The following COL4A3 variants were observed in gnomAD, a reference collection of about 807,000 sequenced individuals.
The protein encoded by COL4A3 is collagen alpha-3(IV) chain.
A neutral mutation model predicts 217.4 loss-of-function variants in COL4A3; 135 were observed. The ratio of observed to expected loss-of-function variants is 0.62; its 90% CI spans 0.54 to 0.72. The LOEUF is 0.72. Ranked by LOEUF, COL4A3 falls within the 30% of genes least tolerant of loss-of-function variation. COL4A3 has a pLI of 0.00. For synonymous variants in COL4A3, 690 were observed against 736.3 expected (o/e 0.94, Z 1.02); for missense variants, 1,868 against 2,119.9 (o/e 0.88, Z 2.33).
At chr2:227,168,804 A>G (rs2065368002) in intron 1 of COL4A3, among the ~76,000 whole-genome samples, 1 of 152,124 alleles carries the variant, frequency 6.6e-6, no homozygotes. Flanking sequence ...TATGAGATCT[A>G]CTTTTATCTT....
chr2:227,286,859 T>G (rs1323977926), intron 34 of COL4A3, among the ~76,000 whole-genome samples: 1 of 152,258 alleles, frequency 6.6e-6, no homozygotes, highest in Non-Finnish European at 1.5e-5. Context: ...GCACTTGGCC[T>G]GTCTCTCCAG....
intron 1 of COL4A3, among the ~76,000 whole-genome samples, chr2:227,205,019 A>G (rs2067048282): frequency 6.6e-6 from 1 of 152,216 alleles, no homozygotes; most frequent in Non-Finnish European, 1.5e-5. Flanking sequence ...GTAAGTGAAA[A>G]TTATGGCAAC....
chr2:227,302,473 T>G (rs2073327060), intron 43 of COL4A3, among the ~76,000 whole-genome samples: 3 of 151,546 alleles, frequency 2.0e-5, no homozygotes, highest in African/African-American at 7.3e-5. Flanking sequence ...GGTCAGGAGG[T>G]CGAGACCAGC....
intron 1 of COL4A3, among the ~76,000 whole-genome samples, chr2:227,179,034 C>T (rs2125665896): frequency 6.6e-6 from 1 of 152,230 alleles, no homozygotes; most frequent in East Asian, 1.9e-4. Flanking sequence ...TCACTGCAGC[C>T]TCAACCTCCC....
Position 227,253,490 on chromosome 2 carries a change from T to C in COL4A3, c.688-71T>C, listed in dbSNP as rs2125932092. The C allele has an allele frequency of 3.4e-6, 5 of 1,458,492 alleles. No individual in the cohort carries two copies. Among genetic ancestry groups the C allele is most frequent in the South Asian group, 3.4e-5 (3 of 87,968 alleles). 90.3% of individuals were successfully genotyped at this position (1,458,492 alleles called of 1,614,324 possible). On this transcript the variant is annotated intron_variant, in intron 12 of 51. Coordinates refer to ENST00000396578, the MANE Select transcript of COL4A3 (RefSeq NM_000091.5). This position sits in a 1 kb window ranked among gnomAD's most constrained non-coding sequence, Gnocchi z 4.4. Reference sequence around the variant, plus strand: ...AGCACTAAAGGGGAAAAGTAGACCTTTCAAACGTAGTAACATTGAAATGTT... The same window carrying C: ...AGCACTAAAGGGGAAAAGTAGACCTCTCAAACGTAGTAACATTGAAATGTT...
rs952837058 is a variant in COL4A3, at chr2:227,253,108, C to T, written c.646-188C>T. Among the ~76,000 whole-genome samples, 2 of 152,112 alleles carry T rather than the reference C, an allele frequency of 1.3e-5. No individual in the cohort carries two copies. The highest frequency in any genetic ancestry group is 2.9e-5 in the Non-Finnish European group (2 of 68,020). ...AGGTAAATCCCTTAAGCTTTCTGCA[C>T]CTTAAGAGCTCCTCCTTTAAAAGAA... On this transcript the variant is annotated intron_variant, in intron 11 of 51. Coordinates refer to ENST00000396578, the MANE Select transcript of COL4A3 (RefSeq NM_000091.5). The surrounding 1 kb of genome is among the most constrained non-coding windows in gnomAD (Gnocchi z 4.4).
Position 227,294,959 on chromosome 2 carries a change from T to TAA in COL4A3, c.3419-5_3419-4insAA. 2 of 1,583,990 alleles carry TAA rather than the reference T, an allele frequency of 1.3e-6. No individual in the cohort carries two copies. The highest frequency in any genetic ancestry group is 1.7e-6 in the Non-Finnish European group (2 of 1,156,242). ...GGGTTTTTGGGTTTTTTTTTTTTTT[T>TAA]TCAGGTCTTCCAGGATTTCCAGGAT... On this transcript the variant is annotated splice_region_variant and splice_polypyrimidine_tract_variant and intron_variant, in intron 39 of 51. Transcript: ENST00000396578.
chr2:227,264,072 A>G (rs1032688515), intron 21 of COL4A3, 128 bp downstream of exon 21: 74 of 1,009,270 alleles, frequency 7.3e-5, no homozygotes, highest in South Asian at 3.0e-4. Flanking sequence ...TACCTTTCCA[A>G]TGGTCTTCAT....
rs1388117574 is a variant in COL4A3 at position 227,191,921 on chromosome 2, C to G, written c.87+27108C>G. Among the ~76,000 whole-genome samples, 1 of 152,114 alleles carries G rather than the reference C, an allele frequency of 6.6e-6. No homozygotes were observed. The highest frequency in any genetic ancestry group is 2.4e-5 in the African/African-American group (1 of 41,414). On this transcript the variant is annotated intron_variant, in intron 1 of 51. Coordinates refer to ENST00000396578, the MANE Select transcript of COL4A3 (RefSeq NM_000091.5). This position sits in a 1 kb window ranked among gnomAD's most constrained non-coding sequence, Gnocchi z 6.8. ...CAGCAGTGCCCTTATCAAAAACAGA[C>G]ACTTGAGAATTGTGGAAAGGGAAAA... is the stretch of plus-strand genomic sequence containing the variant.
At chr2:227,278,037 A>T (rs2106135742) in intron 28 of COL4A3, among the ~76,000 whole-genome samples, 1 of 152,320 alleles carries the variant, frequency 6.6e-6, no homozygotes, top group African/African-American at 2.4e-5. Context: ...ACTCACCAAA[A>T]TGGTAATAGT....
At chr2:227,246,453 C>T (rs1297156796) in intron 6 of COL4A3, among the ~76,000 whole-genome samples, 6 of 152,118 alleles carry the variant, frequency 3.9e-5, no homozygotes, top group African/African-American at 1.4e-4. Flanking sequence ...AAGTTCTTGG[C>T]GCAATTAGAC....
At chr2:227,304,853 G>A in intron 46 of COL4A3, 132 bp from the exon 47 acceptor site, 2 of 760,270 alleles carry the variant, frequency 2.6e-6, no homozygotes, top group Non-Finnish European at 4.6e-6. Context: ...AGCTTGCCCA[G>A]GACTGAGGAT....
At chr2:227,279,456 T>C (rs1166792714) in intron 28 of COL4A3, 8 of 236,218 alleles carry the variant, frequency 3.4e-5, no homozygotes, top group African/African-American at 4.6e-5. Flanking sequence ...CTTACATGAA[T>C]ATATCCATAT....
chr2:227,304,178 G>A (rs374594726), intron 46 of COL4A3, 34 bp downstream of exon 46: 3 of 1,612,810 alleles, frequency 1.9e-6, no homozygotes, highest in Non-Finnish European at 2.5e-6. Context: ...TGGATCACTA[G>A]GAAGTGGTTG....
Position 227,208,264 on chromosome 2 carries a change from G to A in COL4A3, c.88-29704G>A, listed in dbSNP as rs950718668. Reference sequence around the variant, plus strand: ...GCCTGGGGACCAGTTTGCCTTTGCAGGACTAACAAATTAGCTACAAGATGA... The same window carrying A: ...GCCTGGGGACCAGTTTGCCTTTGCAAGACTAACAAATTAGCTACAAGATGA... On this transcript the variant is annotated intron_variant, in intron 1 of 51. Coordinates refer to ENST00000396578, the MANE Select transcript of COL4A3 (RefSeq NM_000091.5). 4.6e-5 allele frequency among the ~76,000 whole-genome samples: 7 copies of A among 152,184 alleles called. No individual in the cohort carries two copies. In the South Asian group the frequency reaches 6.2e-4, roughly 14 times the overall value.
rs1431769783 is a variant in COL4A3, at chr2:227,304,099, G to A, written c.4108G>A (p.Gly1370Arg). The A allele has an allele frequency of 6.2e-7, 1 of 1,614,134 alleles. No homozygotes were observed. Among genetic ancestry groups the A allele is most frequent in the Non-Finnish European group, 8.5e-7 (1 of 1,180,000 alleles). ...PGPPGTPGEP[G>R]MQGEPGPPGP... is the part of the protein sequence containing the mutation. ...GCCACCTGGCACACCTGGAGAACCA[G>A]GGATGCAGGGAGAACCTGGGCCACC... Residue 1370 changes from glycine (G) to arginine (R), a missense_variant, in exon 46 of 52, where the codon GGG (glycine) becomes AGG (arginine). Transcript: ENST00000396578.
At chr2:227,293,364 G>T (rs2072869737) in intron 38 of COL4A3, 47 bp downstream of exon 38, 1 of 1,597,322 alleles carries the variant, frequency 6.3e-7, no homozygotes, top group African/African-American at 1.3e-5. Context: ...ATTACTCAGA[G>T]TATAGCCCTC....
Position 227,253,438 on chromosome 2 carries a change from C to G in COL4A3, c.687+101C>G. ...TACGGGCCAAGCTGAAATTGATGGGCCTTCATTTGTTCTATCTTCCCGTAT... is the reference window on the plus strand; with the variant it reads ...TACGGGCCAAGCTGAAATTGATGGGGCTTCATTTGTTCTATCTTCCCGTAT... On this transcript the variant is annotated intron_variant, in intron 12 of 51. Coordinates refer to ENST00000396578, the MANE Select transcript of COL4A3 (RefSeq NM_000091.5). This position sits in a 1 kb window ranked among gnomAD's most constrained non-coding sequence, Gnocchi z 4.4. The G allele has an allele frequency of 6.9e-7, 1 of 1,439,134 alleles. No individual in the cohort carries two copies. Among genetic ancestry groups the G allele is most frequent in the Non-Finnish European group, 9.8e-7 (1 of 1,020,400 alleles). The allele number at this position is 1,439,134 out of a possible 1,614,324, so 89.1% of individuals were successfully genotyped here.
chr2:227,249,226 A>AT (rs1225037194), intron 9 of COL4A3, among the ~76,000 whole-genome samples: 5 of 24,210 alleles, frequency 2.1e-4, no homozygotes, highest in African/African-American at 5.6e-4. Context: ...ATATATATAT[A>AT]TATATTTTTT....
Sources: allele counts gnomAD v4.1 joint callset (sites outside exome capture counted in the v4.1 genomes callset), GRCh38; gene constraint gnomAD v4.1.1; non-coding constraint Gnocchi (gnomAD v3.1); transcripts MANE v1.5; gene names NCBI Gene and HGNC (gene_info 2026-07-23, HGNC 2026-07-21).